The following SCRG1 variants were observed in gnomAD, a reference collection of about 807,000 sequenced individuals.
SCRG1 encodes the protein stimulator of chondrogenesis 1.
Under a neutral mutation model 7.7 loss-of-function variants are expected in SCRG1, and 3 were observed. The observed-to-expected ratio is 0.39, with a 90% CI of 0.18 to 1.01. The LOEUF is 1.01. Ranked by LOEUF, SCRG1 falls within the 50% of genes least tolerant of loss-of-function variation. The pLI is 0.36. For synonymous variants in SCRG1, 46 were observed against 41.2 expected (o/e 1.12, Z -0.44); for missense variants, 110 against 117.2 (o/e 0.94, Z 0.28).
At chr4:173,453,618 A>G in the SCRG1 span, among the ~76,000 whole-genome samples, 1 of 152,244 alleles carries the variant, frequency 6.6e-6, no homozygotes, top group East Asian at 1.9e-4. Context: ...ATATCTATAC[A>G]TAGAAAAGGT....
the SCRG1 span, among the ~76,000 whole-genome samples, chr4:173,477,622 G>A: frequency 6.6e-6 from 1 of 152,014 alleles, no homozygotes; most frequent in African/African-American, 2.4e-5. Context: ...TTAAGCTACT[G>A]GTGTGAGATA....
chr4:173,426,409 T>C, the SCRG1 span, among the ~76,000 whole-genome samples: 1 of 152,210 alleles, frequency 6.6e-6, no homozygotes, highest in Non-Finnish European at 1.5e-5. Flanking sequence ...GTGTCCCTAC[T>C]CCAGGTGTAA....
the SCRG1 span, among the ~76,000 whole-genome samples, chr4:173,459,878 G>T: frequency 6.9e-6 from 1 of 145,690 alleles, no homozygotes; most frequent in South Asian, 2.2e-4. Flanking sequence ...TATTGTAATA[G>T]CCAGAAGATT....
At chr4:173,488,720 A>T in the SCRG1 span, among the ~76,000 whole-genome samples, 2 of 152,184 alleles carry the variant, frequency 1.3e-5, no homozygotes, top group African/African-American at 2.4e-5. Context: ...ATGTTTTGCA[A>T]TATGGTTTCA....
chr4:173,425,573 A>G, the SCRG1 span, among the ~76,000 whole-genome samples: 8 of 152,152 alleles, frequency 5.3e-5, no homozygotes, highest in Non-Finnish European at 1.0e-4. Context: ...TTCCAGGCCT[A>G]TAGTTCTTTG....
chr4:173,440,339 G>T, the SCRG1 span, among the ~76,000 whole-genome samples: 1 of 152,218 alleles, frequency 6.6e-6, no homozygotes, highest in African/African-American at 2.4e-5. Flanking sequence ...GAATATGTAG[G>T]CTAATTCTAG....
chr4:173,479,932 G>A, the SCRG1 span, among the ~76,000 whole-genome samples: 1 of 152,102 alleles, frequency 6.6e-6, no homozygotes, highest in South Asian at 2.1e-4. Flanking sequence ...CAGGCTCAAT[G>A]TGATCCTGAT....
At chr4:173,480,450 A>G in the SCRG1 span, among the ~76,000 whole-genome samples, 1 of 152,158 alleles carries the variant, frequency 6.6e-6, no homozygotes, top group Non-Finnish European at 1.5e-5. Context: ...GGATTAAAAA[A>G]GATGGACGAC....
the SCRG1 span, among the ~76,000 whole-genome samples, chr4:173,506,051 A>G: frequency 1.3e-5 from 2 of 152,156 alleles, no homozygotes; most frequent in East Asian, 1.9e-4. This position sits in a 1 kb window ranked among gnomAD's most constrained non-coding sequence, Gnocchi z 5.3. Context: ...TCTGGGCTCA[A>G]TTTAGATGGT....
intron 2 of SCRG1, among the ~76,000 whole-genome samples, chr4:173,389,441 G>C (rs576616038): frequency 1.8e-4 from 27 of 152,236 alleles, no homozygotes; most frequent in East Asian, 7.7e-4. Context: ...GAGGCTGAGG[G>C]AGGAGAATGG....
the SCRG1 span, among the ~76,000 whole-genome samples, chr4:173,499,964 G>A: frequency 6.6e-6 from 1 of 152,154 alleles, no homozygotes. The surrounding 1 kb of genome is among the most constrained non-coding windows in gnomAD (Gnocchi z 4.1). Context: ...CTCAAACTGC[G>A]CCTAAGTACT....
intron 1 of SCRG1, among the ~76,000 whole-genome samples, chr4:173,392,182 G>C (rs1054983768): frequency 9.2e-5 from 14 of 152,188 alleles, no homozygotes; most frequent in Admixed American, 7.9e-4. Context: ...CATTTATGTT[G>C]ATAGTGACAG....
chr4:173,510,997 C>T, the SCRG1 span, among the ~76,000 whole-genome samples: 2 of 152,122 alleles, frequency 1.3e-5, no homozygotes, highest in Admixed American at 6.5e-5. This position sits in a 1 kb window ranked among gnomAD's most constrained non-coding sequence, Gnocchi z 5.7. Flanking sequence ...AACGGAGTCT[C>T]GCTCTGTCTC....
chr4:173,421,927 G>C, the SCRG1 span, among the ~76,000 whole-genome samples: 3 of 152,248 alleles, frequency 2.0e-5, no homozygotes, highest in African/African-American at 7.2e-5. Flanking sequence ...AGCACTTAGA[G>C]CTTTAGTTGG....
At chr4:173,474,287 T>A in the SCRG1 span, among the ~76,000 whole-genome samples, 1 of 152,242 alleles carries the variant, frequency 6.6e-6, no homozygotes, top group African/African-American at 2.4e-5. Context: ...ATTTTTCCAA[T>A]TGATGGGAAT....
the SCRG1 span, among the ~76,000 whole-genome samples, chr4:173,479,412 C>T: frequency 6.6e-6 from 1 of 150,784 alleles, no homozygotes; most frequent in African/African-American, 2.4e-5. Context: ...ATTAAAAGCA[C>T]AACCTGTTTT....
chr4:173,482,553 C>T, the SCRG1 span, among the ~76,000 whole-genome samples: 1 of 152,084 alleles, frequency 6.6e-6, no homozygotes, highest in Non-Finnish European at 1.5e-5. Context: ...CACAGTGGCT[C>T]ATGTCTGTAA....
chr4:173,444,108 G>A, the SCRG1 span, among the ~76,000 whole-genome samples: 2 of 151,848 alleles, frequency 1.3e-5, no homozygotes, highest in South Asian at 2.1e-4. Flanking sequence ...GAAGTAGCTG[G>A]GATTACAGGT....
chr4:173,458,222 T>A, the SCRG1 span, among the ~76,000 whole-genome samples: 1 of 152,260 alleles, frequency 6.6e-6, no homozygotes, highest in East Asian at 1.9e-4. Context: ...CCTGATAAGG[T>A]CTGAGGGGAA....
Sources: allele counts gnomAD v4.1 joint callset (sites outside exome capture counted in the v4.1 genomes callset), GRCh38; gene constraint gnomAD v4.1.1; non-coding constraint Gnocchi (gnomAD v3.1); transcripts MANE v1.5; gene names NCBI Gene and HGNC (gene_info 2026-07-23, HGNC 2026-07-21).